AGRN: variants seen among roughly 807,000 people sequenced by gnomAD.
The protein encoded by AGRN is agrin, also known as agrin proteoglycan.
In AGRN, 106 loss-of-function variants were observed where a neutral mutation model predicts 211.0. The ratio of observed to expected loss-of-function variants is 0.50; its 90% confidence interval spans 0.43 to 0.59. AGRN has a LOEUF of 0.59. Among genes scored for constraint, AGRN ranks in the 20% least tolerant of loss-of-function variants. The pLI, the probability that AGRN is intolerant of heterozygous loss-of-function variation, is 0.00. For synonymous variants in AGRN, 1,525 were observed against 1,332.5 expected (o/e 1.14, Z -3.15); for missense variants, 3,040 against 2,982.6 (o/e 1.02, Z -0.45).
chr1:1,023,301 G>A (rs1301638514), intron 2 of AGRN, among the ~76,000 whole-genome samples: 6 of 152,186 alleles, frequency 3.9e-5, no homozygotes, highest in African/African-American at 1.4e-4. Flanking sequence ...GTCCTTGTGG[G>A]GTCCTGGACT....
At position 1,046,500 on chromosome 1, in the gene AGRN, C is replaced by T. The variant is rs547720389; in HGVS notation, c.3015C>T (p.Pro1005=). ...QALPAPPGAL[P]LAPSSTAHSQ... is the part of the protein sequence containing the mutation. The stretch of plus-strand genomic sequence containing the variant: ...TGCCGGCCCCCCCCGGCGCCCTCCC[C>T]CTGGCTCCCAGCAGTACCGCACACA... Residue 1005 remains proline, a synonymous_variant, in exon 18 of 36, where the codon CCC becomes CCT. Transcript: ENST00000379370. 6.6e-5 allele frequency: 107 copies of T among 1,610,948 alleles called. 1 individual carries two copies. The South Asian group carries it at 1.1e-3, about 17-fold the overall frequency.
chr1:1,050,569 G>A lies in AGRN; in HGVS notation c.5119G>A (p.Gly1707Ser). The stretch of plus-strand genomic sequence containing the variant: ...CCGCCTGGAGTTCCGCTACGACCTG[G>A]GCAAGGGGGCAGCGGTCATCAGGTG... ...DRRLEFRYDL[G>S]KGAAVIRSRE... Residue 1707 changes from glycine (G) to serine (S), a missense_variant, in exon 29 of 36, where the codon GGC (glycine) becomes AGC (serine). Gly to Ser is a moderately conservative substitution (Grantham distance 56). Around this residue, in one of 3 missense-constraint regions of AGRN, gnomAD observed 1,537 missense variants for 1,505.0 expected, o/e 1.02. Transcript: ENST00000379370. 1 of 1,611,468 alleles carries A rather than the reference G, an allele frequency of 6.2e-7. No individual in the cohort carries two copies. The highest frequency in any genetic ancestry group is 8.5e-7 in the Non-Finnish European group (1 of 1,179,184).
chr1:1,049,450 G>A lies in AGRN; in HGVS notation c.4513G>A (p.Val1505Met), dbSNP rs372918766. The change falls in exon 25 of 36, where the codon GTG becomes ATG. Residue 1505 changes from valine to methionine, a missense_variant and splice_region_variant. Val to Met is a conservative substitution (Grantham distance 21). Transcript: ENST00000379370. ...VGGVPEDQAAVALERTFVGAG... is the reference protein window; with the variant it reads ...VGGVPEDQAAMALERTFVGAG... ...CGGCGTACCCGAGGACCAGGCTGCC[G>A]TGTGAGTCCCTTGGAGGGTGGTGTG... 5.2e-5 allele frequency: 83 copies of A among 1,599,812 alleles called. No individual in the cohort carries two copies. The highest frequency in any genetic ancestry group is 5.1e-4 in the African/African-American group (38 of 74,886).
chr1:1,042,613 T>C (rs1644975392), intron 7 of AGRN, among the ~76,000 whole-genome samples: 1 of 152,172 alleles, frequency 6.6e-6, no homozygotes, highest in Non-Finnish European at 1.5e-5. Context: ...TTCGCCCATC[T>C]TCTGGTCTTT....
intron 3 of AGRN, among the ~76,000 whole-genome samples, chr1:1,039,177 T>A (rs1295532180): frequency 6.6e-6 from 1 of 151,380 alleles, no homozygotes; most frequent in Non-Finnish European, 1.5e-5. Context: ...CTGTAAGACC[T>A]GAGGTGGGAG....
intron 35 of AGRN, 89 bp downstream of exon 35, chr1:1,054,640 G>A (rs1645403033): frequency 2.7e-6 from 4 of 1,499,648 alleles, no homozygotes; most frequent in Admixed American, 2.0e-5. Flanking sequence ...CCACCCTTGA[G>A]TCAGGGTGCA....
chr1:1,023,365 G>A (rs1009670736), intron 2 of AGRN, among the ~76,000 whole-genome samples: 2 of 152,170 alleles, frequency 1.3e-5, no homozygotes, highest in South Asian at 2.1e-4. Context: ...AGGGGGAGGG[G>A]CAGCACCCAA....
Position 1,041,538 on chromosome 1 carries a change from G to A in AGRN, c.1013G>A (p.Arg338Gln). 6.2e-7 allele frequency: 1 copy of A among 1,605,864 alleles called. No homozygotes were observed. Among genetic ancestry groups the A allele is most frequent in the South Asian group, 1.1e-5 (1 of 90,928 alleles). Residue 338 changes from arginine (R) to glutamine (Q), a missense_variant, in exon 6 of 36, where the codon CGG (arginine) becomes CAG (glutamine). By Grantham distance (43) the Arg-to-Gln change is conservative. This residue lies in a region of AGRN where 1,498 missense variants were observed against 1,457.8 expected (regional missense o/e 1.03). Coordinates refer to ENST00000379370, the MANE Select transcript of AGRN (RefSeq NM_198576.4). ...AGCTGCCGTGTGAACCCGCGCACGC[G>A]GCGCCCTGAGATGCTCCTACGGCCC... ...SRSCRVNPRT[R>Q]RPEMLLRPES...
At position 1,050,573 on chromosome 1, in the gene AGRN, AG is replaced by A; in HGVS notation, c.5128del (p.Ala1710GlnfsTer50). The A allele has an allele frequency of 6.2e-7, 1 of 1,611,316 alleles. No homozygotes were observed. The highest frequency in any genetic ancestry group is 8.5e-7 in the Non-Finnish European group (1 of 1,179,140). On this transcript the variant is annotated frameshift_variant, in exon 29 of 36. Transcript: ENST00000379370. LOFTEE classifies it high-confidence loss of function. ...RRLEFRYDLG[K>X]GAAVIRSREP... is the part of the protein sequence containing the mutation. The stretch of plus-strand genomic sequence containing the variant: ...CTGGAGTTCCGCTACGACCTGGGCA[AG>A]GGGGCAGCGGTCATCAGGTGGGCCG...
Position 1,041,310 on chromosome 1 carries a change from G to A in AGRN, c.865G>A (p.Gly289Ser). The stretch of plus-strand genomic sequence containing the variant: ...CGAGGGGACCGTCTGCGGCAGCGAC[G>A]GCGCCGACTACCCCGGCGAGTGCCA... Reference protein sequence around the residue: ...APEGTVCGSDGADYPGECQLL... With the variant: ...APEGTVCGSDSADYPGECQLL... Residue 289 changes from glycine (G) to serine (S), a missense_variant, in exon 5 of 36, where the codon GGC (glycine) becomes AGC (serine). Physicochemically the swap from Gly to Ser is moderately conservative, Grantham distance 56. Transcript: ENST00000379370. The A allele has an allele frequency of 2.0e-6, 3 of 1,519,914 alleles. No homozygotes were observed. The highest frequency in any genetic ancestry group is 1.2e-5 in the South Asian group (1 of 82,610). 94.2% of individuals were successfully genotyped at this position (1,519,914 alleles called of 1,614,324 possible). A position where few individuals can be genotyped will look rare whatever the true frequency, so the allele number is the denominator to read the frequency against.
In AGRN at chr1:1,031,139, A is replaced by G. The variant is rs1197785992; in HGVS notation, c.464-4138A>G. 2.4e-5 allele frequency among the ~76,000 whole-genome samples: 3 copies of G among 126,428 alleles called. No homozygotes were observed. Among genetic ancestry groups the G allele is most frequent in the East Asian group, 2.4e-4 (1 of 4,182 alleles). The allele number at this position is 126,428 out of a possible 152,430, so 82.9% of individuals were successfully genotyped here. ...TGCTGTGTGAGATGTGTGTGTGTGC[A>G]GTGCATGGTGCTGTGTGAGATTGTG... is the stretch of plus-strand genomic sequence containing the variant. On this transcript the variant is annotated intron_variant, in intron 2 of 35. Transcript: ENST00000379370. The surrounding 1 kb of genome is among the most constrained non-coding windows in gnomAD (Gnocchi z 4.8).
chr1:1,048,170 G>GCCCCCACCACACGTCGGC lies in AGRN; in HGVS notation c.3921_3938dup (p.Arg1308_Thr1313dup). 1 of 1,579,000 alleles carries GCCCCCACCACACGTCGGC rather than the reference G, an allele frequency of 6.3e-7. No individual in the cohort carries two copies. The highest frequency in any genetic ancestry group is 1.1e-5 in the South Asian group (1 of 87,390). On this transcript the variant is annotated inframe_insertion, in exon 23 of 36. Coordinates refer to ENST00000379370, the MANE Select transcript of AGRN (RefSeq NM_198576.4). This position sits in a 1 kb window ranked among gnomAD's most constrained non-coding sequence, Gnocchi z 5.9. Reference sequence around the variant, plus strand: ...CCAGCCCGTTGCCAAGACCACGGCAGCCCCCACCACACGTCGGCCCCCCAC... The same window carrying GCCCCCACCACACGTCGGC: ...CCAGCCCGTTGCCAAGACCACGGCAGCCCCCACCACACGTCGGCCCCCCACCACACGTCGGCCCCCCAC...
At chr1:1,023,911 ACGAG>A (rs1644464143) in intron 2 of AGRN, among the ~76,000 whole-genome samples, 1 of 152,046 alleles carries the variant, frequency 6.6e-6, no homozygotes, top group African/African-American at 2.4e-5. Context: ...GCACTCAGGG[ACGAG>A]CTCCAGGTGG....
At position 1,050,782 on chromosome 1, in the gene AGRN, G is replaced by T; in HGVS notation, c.5198G>T (p.Gly1733Val). The T allele has an allele frequency of 6.2e-7, 1 of 1,602,034 alleles. No individual in the cohort carries two copies. ...AWTRVSLERN[G>V]RKGALRVGDG... is the part of the protein sequence containing the mutation. ...ACCAGGGTCTCACTGGAGCGAAACG[G>T]CCGCAAGGGTGCCCTGCGTGTGGGC... Residue 1733 changes from glycine to valine, a missense_variant, in exon 30 of 36, where the codon GGC becomes GTC. Gly to Val is a moderately radical substitution (Grantham distance 109). Coordinates refer to ENST00000379370, the MANE Select transcript of AGRN (RefSeq NM_198576.4).
At position 1,053,933 on chromosome 1, in the gene AGRN, C is replaced by T. The variant is rs143373928; in HGVS notation, c.5832C>T (p.Thr1944=). 344 of 1,604,636 alleles carry T rather than the reference C, an allele frequency of 2.1e-4. No individual in the cohort carries two copies. The African/African-American group carries it at 3.9e-3, about 18-fold the overall frequency. ...LGSQPVVLRS[T]VPVNTNRWLR... ...CCCAGCCCGTGGTGCTGCGTTCCAC[C>T]GTGCCCGTCAACACCAACCGCTGGT... The change falls in exon 34 of 36, where the codon ACC becomes ACT. Residue 1944 remains threonine, a synonymous_variant. Transcript: ENST00000379370.
intron 33 of AGRN, chr1:1,053,406 G>T: frequency 7.5e-7 from 1 of 1,333,722 alleles, no homozygotes. Flanking sequence ...AGATGGGTTT[G>T]CATTGGCCCC....
At chr1:1,050,668 T>C in intron 29 of AGRN, 58 bp from the exon 30 acceptor site, 1 of 1,604,392 alleles carries the variant, frequency 6.2e-7, no homozygotes, top group South Asian at 1.1e-5. Context: ...GCTCAGGCCC[T>C]GGGTGGTCGC....
rs763495287 is a variant in AGRN, at chr1:1,042,168, C to T, written c.1384+6C>T. 147 of 1,590,160 alleles carry T rather than the reference C, an allele frequency of 9.2e-5. No individual in the cohort carries two copies. Among genetic ancestry groups the T allele is most frequent in the Middle Eastern group, 1.7e-4 (1 of 6,028 alleles). On this transcript the variant is annotated splice_donor_region_variant and intron_variant, in intron 7 of 35. Transcript: ENST00000379370. Reference sequence around the variant, plus strand: ...CAAGCACCAGGGCCCGTGTGGTGAGCGCCCCGGGGTGGAGGCCAGGCGGGG... The same window carrying T: ...CAAGCACCAGGGCCCGTGTGGTGAGTGCCCCGGGGTGGAGGCCAGGCGGGG...
rs368058639 is a variant in AGRN, at chr1:1,046,427, C to T, written c.2942C>T (p.Ser981Phe). The T allele has an allele frequency of 4.0e-5, 65 of 1,612,438 alleles. No homozygotes were observed. The highest frequency in any genetic ancestry group is 5.2e-5 in the Non-Finnish European group (61 of 1,179,880). Residue 981 changes from serine (S) to phenylalanine (F), a missense_variant, in exon 18 of 36, where the codon TCT becomes TTT. Coordinates refer to ENST00000379370, the MANE Select transcript of AGRN (RefSeq NM_198576.4). ...GTTGCTCCCAGCACTCACCCGACATCTGCCTCCGTGACTGTGACCACCCCA... is the reference window on the plus strand; with the variant it reads ...GTTGCTCCCAGCACTCACCCGACATTTGCCTCCGTGACTGTGACCACCCCA... ...EAVAPSTHPT[S>F]ASVTVTTPGL...
Sources: allele counts gnomAD v4.1 joint callset (sites outside exome capture counted in the v4.1 genomes callset), GRCh38; gene constraint gnomAD v4.1.1; regional missense constraint gnomAD v4.1.1; non-coding constraint Gnocchi (gnomAD v3.1); transcripts MANE v1.5; gene names NCBI Gene and HGNC (gene_info 2026-07-23, HGNC 2026-07-21).